The following PRKN variants were observed in gnomAD, a reference collection of about 807,000 sequenced individuals.
PRKN encodes the protein E3 ubiquitin-protein ligase parkin.
In PRKN, 56 loss-of-function variants were observed where a neutral mutation model predicts 59.5. That is an observed-to-expected ratio of 0.94 (90% CI 0.76 to 1.18). The LOEUF (loss-of-function observed/expected upper bound fraction) is 1.18, where lower values mean the gene tolerates loss of function less well. PRKN is among the 50% of genes most tolerant of loss of function. The pLI, the probability that PRKN is intolerant of heterozygous loss-of-function variation, is 0.00. For synonymous variants in PRKN, 250 were observed against 222.1 expected, an observed-to-expected ratio of 1.13 and a Z score of -1.12; for missense variants, 657 against 596.4, an observed-to-expected ratio of 1.10 and a Z score of -1.06.
intron 1 of PRKN, among the ~76,000 whole-genome samples, chr6:162,664,938 A>G (rs1760140236): frequency 6.6e-6 from 1 of 152,158 alleles, no homozygotes; most frequent in Admixed American, 6.5e-5. Context: ...AAACCACATG[A>G]TTATCTCAAC....
intron 1 of PRKN, among the ~76,000 whole-genome samples, chr6:162,510,398 A>T (rs1267780298): frequency 1.3e-5 from 2 of 152,084 alleles, no homozygotes. Context: ...CACGTGTGAG[A>T]GGGCGACACT....
chr6:162,256,982 C>T (rs1022314174), intron 3 of PRKN, among the ~76,000 whole-genome samples: 1 of 152,196 alleles, frequency 6.6e-6, no homozygotes, highest in African/African-American at 2.4e-5. Context: ...GATAACCAAC[C>T]ACAAAAAGCA....
intron 7 of PRKN, among the ~76,000 whole-genome samples, chr6:161,758,755 A>C (rs1789058836): frequency 6.6e-6 from 1 of 152,252 alleles, no homozygotes; most frequent in Non-Finnish European, 1.5e-5. Context: ...GCTCAGAGAA[A>C]TAAAAGGACT....
intron 6 of PRKN, among the ~76,000 whole-genome samples, chr6:161,827,993 C>T (rs1405215421): frequency 1.3e-5 from 2 of 152,198 alleles, no homozygotes; most frequent in African/African-American, 2.4e-5. Context: ...TGAAATTATA[C>T]TGGTTTTCAT....
At chr6:161,997,622 A>C (rs897254458) in intron 5 of PRKN, among the ~76,000 whole-genome samples, 1 of 152,176 alleles carries the variant, frequency 6.6e-6, no homozygotes. Context: ...TACTCAGAAC[A>C]TACTAAGTGA....
intron 4 of PRKN, among the ~76,000 whole-genome samples, chr6:162,145,605 A>G (rs1169968976): frequency 6.6e-6 from 1 of 152,142 alleles, no homozygotes; most frequent in Middle Eastern, 3.4e-3. Flanking sequence ...GCAAAAGTAC[A>G]CTCCACAGTG....
chr6:161,488,530 C>T lies in PRKN; in HGVS notation c.1083+60324G>A, dbSNP rs758853093. On this transcript the variant is annotated intron_variant, in intron 9 of 11. Coordinates refer to ENST00000366898, the MANE Select transcript of PRKN (RefSeq NM_004562.3). The surrounding 1 kb of genome is among the most constrained non-coding windows in gnomAD (Gnocchi z 4.5). ...TTAGAGATAGGGTCTTCCTCTGCCA[C>T]GTAGGCTGAAGTGTGGTGGTGCCAT... is the stretch of plus-strand genomic sequence containing the variant. Among the ~76,000 whole-genome samples, 68 of 152,162 alleles carry T rather than the reference C, an allele frequency of 4.5e-4. No individual in the cohort carries two copies. Among genetic ancestry groups the T allele is most frequent in the African/African-American group, 6.5e-4 (27 of 41,446 alleles).
intron 1 of PRKN, among the ~76,000 whole-genome samples, chr6:162,559,397 C>T (rs950798168): frequency 2.0e-5 from 3 of 152,096 alleles, no homozygotes; most frequent in African/African-American, 7.2e-5. Flanking sequence ...ATCACACACC[C>T]TTCCCCAGCC....
At chr6:161,637,155 G>A (rs7776266) in intron 7 of PRKN, among the ~76,000 whole-genome samples, 3,711 of 152,278 alleles carry the variant, frequency 0.024, 150 homozygotes, top group African/African-American at 0.086. Context: ...AAGTGTGTCT[G>A]CTGAGGATCT....
In PRKN at chr6:161,405,291, G is replaced by T. The variant is rs1236064917; in HGVS notation, c.1084-18414C>A. Among the ~76,000 whole-genome samples, 1 of 152,080 alleles carries T rather than the reference G, an allele frequency of 6.6e-6. No homozygotes were observed. On this transcript the variant is annotated intron_variant, in intron 9 of 11. Coordinates refer to ENST00000366898, the MANE Select transcript of PRKN (RefSeq NM_004562.3). The surrounding 1 kb of genome is among the most constrained non-coding windows in gnomAD (Gnocchi z 5.1). ...TTTTCAAAATTGCTGTTTAAAAGTG[G>T]GTCTGACTGGGCATGGTGGCTCATG... is the stretch of plus-strand genomic sequence containing the variant.
At chr6:162,108,477 A>C (rs1780285528) in intron 4 of PRKN, among the ~76,000 whole-genome samples, 1 of 152,248 alleles carries the variant, frequency 6.6e-6, no homozygotes, top group South Asian at 2.1e-4. Context: ...ACGAAATGTC[A>C]GTGTTTCCTA....
intron 2 of PRKN, among the ~76,000 whole-genome samples, chr6:162,397,318 C>T (rs949913184): frequency 2.6e-5 from 4 of 152,114 alleles, no homozygotes; most frequent in African/African-American, 9.7e-5. Flanking sequence ...GAATTAACTT[C>T]GAGCACCTGG....
chr6:161,450,805 C>T lies in PRKN; in HGVS notation c.1084-63928G>A, dbSNP rs186540533. On this transcript the variant is annotated intron_variant, in intron 9 of 11. Transcript: ENST00000366898. ...CTCCTGACCTCGTGATCTGCCCACC[C>T]TGGCCTCCCAAAGTGCTGGGATTAC... Among the ~76,000 whole-genome samples, 322 of 152,240 alleles carry T rather than the reference C, an allele frequency of 2.1e-3. 1 individual carries two copies. Among genetic ancestry groups the T allele is most frequent in the African/African-American group, 7.3e-3 (302 of 41,556 alleles).
chr6:161,996,175 TAC>T (rs34527638), intron 5 of PRKN, among the ~76,000 whole-genome samples: 63 of 149,854 alleles, frequency 4.2e-4, no homozygotes, highest in Non-Finnish European at 6.8e-4. Flanking sequence ...ACGTGGTGTG[TAC>T]ACACACACAC....
chr6:161,975,015 T>A (rs754025909), intron 5 of PRKN, among the ~76,000 whole-genome samples: 1 of 152,138 alleles, frequency 6.6e-6, no homozygotes, highest in Admixed American at 6.5e-5. Context: ...TGATGAGACA[T>A]TTGTAGAATG....
rs555217523 is a variant in PRKN, at chr6:162,494,250, T to C, written c.8-50777A>G. Among the ~76,000 whole-genome samples the C allele has an allele frequency of 7.2e-5, 11 of 152,302 alleles. No individual in the cohort carries two copies. The East Asian group carries it at 9.7e-4, about 13-fold the overall frequency. Reference sequence around the variant, plus strand: ...GCTGTTGTCATCTACAGCCTGGGCGTTGGCATCAGGCAACAGCTGGGCCTG... The same window carrying C: ...GCTGTTGTCATCTACAGCCTGGGCGCTGGCATCAGGCAACAGCTGGGCCTG... On this transcript the variant is annotated intron_variant, in intron 1 of 11. Coordinates refer to ENST00000366898, the MANE Select transcript of PRKN (RefSeq NM_004562.3).
At position 162,030,595 on chromosome 6, in the gene PRKN, C is replaced by T. The variant is rs1299008295; in HGVS notation, c.618+23496G>A. Among the ~76,000 whole-genome samples the T allele has an allele frequency of 5.9e-5, 9 of 152,334 alleles. No homozygotes were observed. The East Asian group carries it at 1.5e-3, about 26-fold the overall frequency. On this transcript the variant is annotated intron_variant, in intron 5 of 11. Coordinates refer to ENST00000366898, the MANE Select transcript of PRKN (RefSeq NM_004562.3). The stretch of plus-strand genomic sequence containing the variant: ...CAGCACTTGCCAAAACCCTTCCCTG[C>T]ACACTCCCTGTTCTAAGTGCAACTT...
At chr6:162,255,272 G>A (rs1454669955) in intron 3 of PRKN, among the ~76,000 whole-genome samples, 2 of 152,068 alleles carry the variant, frequency 1.3e-5, no homozygotes, top group East Asian at 3.9e-4. Context: ...ACAATATTGG[G>A]CCTTTGTACA....
Position 162,241,088 on chromosome 6 carries a change from A to T in PRKN, c.412+21437T>A, listed in dbSNP as rs564557529. 6.6e-5 allele frequency among the ~76,000 whole-genome samples: 10 copies of T among 152,326 alleles called. No homozygotes were observed. In the South Asian group the frequency reaches 2.1e-3, roughly 32 times the overall value. On this transcript the variant is annotated intron_variant, in intron 3 of 11. Transcript: ENST00000366898. ...TAGAAAATGTATGTTAAAGTTGATTAAAACTTAACAAGTTATTCTGACCCA... is the reference window on the plus strand; with the variant it reads ...TAGAAAATGTATGTTAAAGTTGATTTAAACTTAACAAGTTATTCTGACCCA...
Sources: gnomAD v4.1 joint callset for allele counts (sites outside exome capture counted in the v4.1 genomes callset) on GRCh38, gnomAD v4.1.1 for gene constraint, Gnocchi (gnomAD v3.1) non-coding constraint, MANE v1.5 for transcripts, NCBI Gene and HGNC (gene_info 2026-07-23, HGNC 2026-07-21) for gene names.